The following NDUFA5 variants were observed in gnomAD, a reference collection of about 807,000 sequenced individuals.
NDUFA5 encodes the protein NADH dehydrogenase [ubiquinone] 1 alpha subcomplex subunit 5.
A neutral mutation model predicts 19.8 loss-of-function variants in NDUFA5; 11 were observed. That is an observed-to-expected ratio of 0.56 (90% CI 0.35 to 0.92). The LOEUF is 0.92. Ranked by LOEUF, NDUFA5 falls within the 40% of genes least tolerant of loss-of-function variation. NDUFA5 has a pLI of 0.01. For synonymous variants in NDUFA5, 47 were observed against 46.8 expected (o/e 1.00, Z -0.01); for missense variants, 109 against 134.2 (o/e 0.81, Z 0.93).
chr7:123,548,892 A>C (rs1018980012), intron 3 of NDUFA5, among the ~76,000 whole-genome samples: 1 of 152,204 alleles, frequency 6.6e-6, no homozygotes, highest in African/African-American at 2.4e-5. Context: ...GCATCTGTGG[A>C]TTCAACTAAG....
rs1212261573 is a variant in NDUFA5, at chr7:123,539,935, C to A, written c.*2184G>T. On this transcript the variant is annotated 3_prime_UTR_variant, in exon 5 of 5. Coordinates refer to ENST00000355749, the MANE Select transcript of NDUFA5 (RefSeq NM_005000.5). ...CAGGAAGAAGTCACAACATCCCAAG[C>A]ATATTCATAAATAATAATATAACAG... The A allele has an allele frequency of 6.6e-6, 1 of 152,188 alleles. No individual in the cohort carries two copies. Among genetic ancestry groups the A allele is most frequent in the Non-Finnish European group, 1.5e-5 (1 of 68,044 alleles). The allele number at this position is 152,188 out of a possible 1,614,324, so 9.4% of individuals were successfully genotyped here. A position where few individuals can be genotyped will look rare whatever the true frequency, so the allele number is the denominator to read the frequency against.
At chr7:123,590,396 C>A in the NDUFA5 span, among the ~76,000 whole-genome samples, 1 of 152,214 alleles carries the variant, frequency 6.6e-6, no homozygotes, top group East Asian at 1.9e-4. Context: ...AGTCTTTGCT[C>A]ACGCCTATGT....
the NDUFA5 span, among the ~76,000 whole-genome samples, chr7:123,566,224 G>T: frequency 5.3e-5 from 8 of 152,066 alleles, no homozygotes; most frequent in African/African-American, 1.9e-4. Context: ...GCATCTACAA[G>T]CCAAGGACCA....
intron 2 of NDUFA5, among the ~76,000 whole-genome samples, chr7:123,552,823 T>C (rs1798402243): frequency 6.6e-6 from 1 of 152,038 alleles, no homozygotes; most frequent in Non-Finnish European, 1.5e-5. Flanking sequence ...TGATAGCTCA[T>C]TGCAACCTAG....
the NDUFA5 span, among the ~76,000 whole-genome samples, chr7:123,571,225 C>G: frequency 2.0e-5 from 3 of 152,154 alleles, no homozygotes; most frequent in Non-Finnish European, 2.9e-5. Context: ...ATTGGGAGCA[C>G]TTTATCAAAC....
intron 4 of NDUFA5, among the ~76,000 whole-genome samples, chr7:123,545,315 C>A (rs868137156): frequency 6.6e-6 from 1 of 152,000 alleles, no homozygotes; most frequent in African/African-American, 2.4e-5. Flanking sequence ...ATTAAAACAA[C>A]AGTAATATTG....
chr7:123,553,216 G>A (rs1798420875), intron 2 of NDUFA5, among the ~76,000 whole-genome samples: 1 of 152,194 alleles, frequency 6.6e-6, no homozygotes, highest in Admixed American at 6.5e-5. Context: ...ACCTGAGACT[G>A]GGTGATTTAT....
At chr7:123,586,952 T>C in the NDUFA5 span, among the ~76,000 whole-genome samples, 2 of 151,736 alleles carry the variant, frequency 1.3e-5, no homozygotes, top group Admixed American at 1.3e-4. Flanking sequence ...TATCTTTGTC[T>C]TTGTATTATA....
At chr7:123,553,061 T>A (rs1011474914) in intron 2 of NDUFA5, among the ~76,000 whole-genome samples, 4 of 152,196 alleles carry the variant, frequency 2.6e-5, no homozygotes, top group Non-Finnish European at 5.9e-5. Flanking sequence ...AGACAGTCGC[T>A]ACCCGCGAAA....
At position 123,537,451 on chromosome 7, in the gene NDUFA5, G is replaced by A. The variant is rs962363382; in HGVS notation, c.*4668C>T. 1 of 152,006 alleles carries A rather than the reference G, an allele frequency of 6.6e-6. No homozygotes were observed. The highest frequency in any genetic ancestry group is 2.4e-5 in the African/African-American group (1 of 41,372). 9.4% of individuals were successfully genotyped at this position (152,006 alleles called of 1,614,324 possible). A position where few individuals can be genotyped will look rare whatever the true frequency, so the allele number is the denominator to read the frequency against. ...ACTTGTTAAGAGAATGGAAATATAG[G>A]TCTATTGTCCCTTTTCTGAAACCTT... On this transcript the variant is annotated 3_prime_UTR_variant, in exon 5 of 5. Coordinates refer to ENST00000355749, the MANE Select transcript of NDUFA5 (RefSeq NM_005000.5).
At chr7:123,557,303 G>A (rs1218819450) in intron 2 of NDUFA5, 101 bp downstream of exon 2, 2 of 1,538,150 alleles carry the variant, frequency 1.3e-6, no homozygotes, top group Non-Finnish European at 1.8e-6. Flanking sequence ...GTAATTAAGG[G>A]CTTGAAACAT....
chr7:123,570,543 C>T, the NDUFA5 span, among the ~76,000 whole-genome samples: 10 of 152,142 alleles, frequency 6.6e-5, no homozygotes, highest in Non-Finnish European at 1.3e-4. Flanking sequence ...GCCAAACACA[C>T]TAAGAAACTG....
chr7:123,546,569 G>T, intron 3 of NDUFA5: 1 of 873,144 alleles, frequency 1.1e-6, no homozygotes, highest in Non-Finnish European at 1.5e-6. Context: ...ATCATGCTCT[G>T]TAAATATACC....
the NDUFA5 span, among the ~76,000 whole-genome samples, chr7:123,593,591 T>C: frequency 6.6e-6 from 1 of 152,180 alleles, no homozygotes; most frequent in Non-Finnish European, 1.5e-5. Flanking sequence ...TTTAAGAATG[T>C]TGAATACTTG....
the NDUFA5 span, among the ~76,000 whole-genome samples, chr7:123,586,662 C>T: frequency 1.3e-4 from 19 of 151,746 alleles, no homozygotes; most frequent in African/African-American, 4.6e-4. Flanking sequence ...CCCCAGCCAA[C>T]CCCATTTTTC....
chr7:123,574,882 C>T, the NDUFA5 span, among the ~76,000 whole-genome samples: 1 of 151,980 alleles, frequency 6.6e-6, no homozygotes, highest in Non-Finnish European at 1.5e-5. Flanking sequence ...GTCTTGAAGA[C>T]TTTACTGGAT....
the NDUFA5 span, among the ~76,000 whole-genome samples, chr7:123,574,009 C>T: frequency 6.6e-6 from 1 of 151,880 alleles, no homozygotes; most frequent in Non-Finnish European, 1.5e-5. Flanking sequence ...TATGATAGAC[C>T]AAAGAAATAC....
chr7:123,586,352 C>G, the NDUFA5 span, among the ~76,000 whole-genome samples: 1 of 151,758 alleles, frequency 6.6e-6, no homozygotes, highest in Non-Finnish European at 1.5e-5. Context: ...CCTTTTCACT[C>G]CTGTTGGACA....
the NDUFA5 span, among the ~76,000 whole-genome samples, chr7:123,591,927 C>T: frequency 3.9e-5 from 6 of 152,026 alleles, no homozygotes; most frequent in Non-Finnish European, 8.8e-5. Flanking sequence ...TCCTTCTGGC[C>T]CCAGACTTTT....
Sources: allele counts gnomAD v4.1 joint callset (sites outside exome capture counted in the v4.1 genomes callset), GRCh38; gene constraint gnomAD v4.1.1; transcripts MANE v1.5; gene names NCBI Gene and HGNC (gene_info 2026-07-23, HGNC 2026-07-21).